FHAD1: variants seen among roughly 807,000 people sequenced by gnomAD.
FHAD1 encodes forkhead associated phosphopeptide binding domain 1.
In FHAD1, 146 loss-of-function variants were observed where a neutral mutation model predicts 191.3. The ratio of observed to expected loss-of-function variants is 0.76; its 90% CI spans 0.67 to 0.88. The LOEUF (loss-of-function observed/expected upper bound fraction) is 0.88, where lower values mean the gene tolerates loss of function less well. FHAD1 is among the 40% of genes least tolerant of loss of function. The probability of loss-of-function intolerance (pLI) is 0.00; values close to 1 mark genes in which losing one functional copy is unlikely to be tolerated. For missense variants in FHAD1, 1,635 were observed against 1,785.8 expected, an observed-to-expected ratio of 0.92 and a Z score of 1.52; for synonymous variants, 616 against 672.3, an observed-to-expected ratio of 0.92 and a Z score of 1.29.
At chr1:15,351,094 C>T (rs1019728463) in intron 19 of FHAD1, among the ~76,000 whole-genome samples, 9 of 152,210 alleles carry the variant, frequency 5.9e-5, no homozygotes, top group African/African-American at 1.9e-4. Flanking sequence ...CCTGTAATCT[C>T]AGCACTTTGG....
chr1:15,283,723 G>A (rs1295714863), intron 3 of FHAD1, among the ~76,000 whole-genome samples: 2 of 152,050 alleles, frequency 1.3e-5, no homozygotes, highest in African/African-American at 4.8e-5. Flanking sequence ...TGGCATCCAG[G>A]GTGCTGCACA....
intron 31 of FHAD1, chr1:15,383,249 G>A (rs976405874): frequency 8.1e-5 from 38 of 469,652 alleles, no homozygotes; most frequent in South Asian, 4.0e-4. Flanking sequence ...TCTCGCTGTC[G>A]TCATACCTCA....
intron 2 of FHAD1, among the ~76,000 whole-genome samples, chr1:15,256,692 T>A (rs1573690404): frequency 1.4e-5 from 2 of 138,836 alleles, no homozygotes; most frequent in South Asian, 4.7e-4. Flanking sequence ...GCTGATCTCC[T>A]CCTTAGGACC....
chr1:15,357,074 A>G (rs915977657), intron 20 of FHAD1, among the ~76,000 whole-genome samples: 11 of 152,100 alleles, frequency 7.2e-5, no homozygotes, highest in Non-Finnish European at 7.4e-5. Flanking sequence ...TCCTTAGGAA[A>G]AATTCCCTAA....
intron 23 of FHAD1, chr1:15,363,861 G>C: frequency 4.4e-6 from 2 of 450,334 alleles, no homozygotes; most frequent in Admixed American, 4.8e-5. Flanking sequence ...TGCAGTGGAG[G>C]GATTCAGAAG....
chr1:15,374,856 T>G (rs766103458), intron 27 of FHAD1, among the ~76,000 whole-genome samples: 8,034 of 126,408 alleles, frequency 0.064, 456 homozygotes, highest in African/African-American at 0.17. Flanking sequence ...ACGTTTTTTT[T>G]TTTGTTTGTT....
chr1:15,290,273 C>G (rs1207036300), intron 4 of FHAD1, among the ~76,000 whole-genome samples: 2 of 152,138 alleles, frequency 1.3e-5, no homozygotes, highest in South Asian at 4.1e-4. Context: ...CCCTTGAAAG[C>G]CTCATGGCAC....
chr1:15,350,127 T>C (rs72866715), intron 19 of FHAD1, among the ~76,000 whole-genome samples: 1,874 of 152,290 alleles, frequency 0.012, 38 homozygotes, highest in African/African-American at 0.043. Flanking sequence ...CCATAAATAT[T>C]CATTTATCCA....
rs567421403 is a variant in FHAD1 at position 15,318,371 on chromosome 1, C to G, written c.1365+443C>G. 2.6e-4 allele frequency among the ~76,000 whole-genome samples: 39 copies of G among 152,336 alleles called. No homozygotes were observed. Among genetic ancestry groups the G allele is most frequent in the Non-Finnish European group, 4.0e-4 (27 of 68,024 alleles). On this transcript the variant is annotated intron_variant, in intron 10 of 33. Coordinates refer to ENST00000688493, the MANE Select transcript of FHAD1 (RefSeq NM_001391957.1). This position sits in a 1 kb window ranked among gnomAD's most constrained non-coding sequence, Gnocchi z 4.1. ...CATTTAAATTAAAGCCGGTAGCTCA[C>G]GCCTGTAATCCCAGCATTTTGGGAG...
chr1:15,308,845 C>A, intron 7 of FHAD1, 109 bp downstream of exon 7: 1 of 1,483,844 alleles, frequency 6.7e-7, no homozygotes, highest in Non-Finnish European at 9.1e-7. Context: ...AACTTGGCTG[C>A]AGCCTCAGAG....
intron 31 of FHAD1, chr1:15,384,363 T>G (rs1701611696): frequency 6.6e-6 from 1 of 152,382 alleles, no homozygotes; most frequent in Admixed American, 6.5e-5. Flanking sequence ...GCCAGGGAGA[T>G]CTGGGCAGCA....
In FHAD1 at chr1:15,386,656, C is replaced by T. The variant is rs560065178; in HGVS notation, c.4189-1395C>T. ...AAGGGGCTTGGCCACAGCTTTGCCA[C>T]GCGGTCTCAGCTGGGCTGGAGCCCC... On this transcript the variant is annotated intron_variant, in intron 31 of 33. Transcript: ENST00000688493. Among the ~76,000 whole-genome samples, 11 of 152,328 alleles carry T rather than the reference C, an allele frequency of 7.2e-5. No individual in the cohort carries two copies. In the East Asian group the frequency reaches 7.7e-4, roughly 11 times the overall value.
intron 21 of FHAD1, among the ~76,000 whole-genome samples, chr1:15,359,454 G>T (rs1450881342): frequency 6.6e-6 from 1 of 152,098 alleles, no homozygotes; most frequent in African/African-American, 2.4e-5. Context: ...AGGAGGAGGT[G>T]CTGGGATGGA....
intron 14 of FHAD1, among the ~76,000 whole-genome samples, chr1:15,331,198 G>C (rs1681217907): frequency 6.6e-6 from 1 of 152,090 alleles, no homozygotes; most frequent in African/African-American, 2.4e-5. Context: ...AGGTGCCTGT[G>C]AGACATCTAA....
intron 21 of FHAD1, among the ~76,000 whole-genome samples, chr1:15,359,776 C>T (rs1458116995): frequency 1.2e-4 from 18 of 151,996 alleles, no homozygotes; most frequent in Admixed American, 1.2e-3. Context: ...TGATGAAACC[C>T]TATCTCTACT....
intron 7 of FHAD1, among the ~76,000 whole-genome samples, chr1:15,310,511 A>C (rs1204131835): frequency 6.6e-6 from 1 of 152,052 alleles, no homozygotes; most frequent in Non-Finnish European, 1.5e-5. Context: ...TCCTCTAATC[A>C]AGGAGTCAGA....
chr1:15,367,640 C>A lies in FHAD1; in HGVS notation c.3314+18C>A. ...GCACTCAGGTTGGGTGGGCGGGGGC[C>A]GGGTTGGGGGGATGGTTTGCCTGCC... On this transcript the variant is annotated intron_variant, in intron 25 of 33. Transcript: ENST00000688493. 5.8e-6 allele frequency: 1 copy of A among 173,634 alleles called. No homozygotes were observed. Among genetic ancestry groups the A allele is most frequent in the South Asian group, 5.0e-5 (1 of 20,080 alleles). 10.8% of individuals were successfully genotyped at this position (173,634 alleles called of 1,614,324 possible).
intron 28 of FHAD1, among the ~76,000 whole-genome samples, chr1:15,377,612 C>A (rs1201781216): frequency 2.6e-5 from 4 of 152,012 alleles, no homozygotes; most frequent in Admixed American, 6.6e-5. Flanking sequence ...CCAAGGCGGG[C>A]AGATCACTTT....
At chr1:15,249,010 T>A (rs1324119728) in intron 1 of FHAD1, among the ~76,000 whole-genome samples, 1 of 152,228 alleles carries the variant, frequency 6.6e-6, no homozygotes, top group Non-Finnish European at 1.5e-5. Flanking sequence ...TCTGTCAGTG[T>A]CTTTGCTCTG....
Sources: allele counts gnomAD v4.1 joint callset (sites outside exome capture counted in the v4.1 genomes callset), GRCh38; gene constraint gnomAD v4.1.1; non-coding constraint Gnocchi (gnomAD v3.1); transcripts MANE v1.5; gene names NCBI Gene and HGNC (gene_info 2026-07-23, HGNC 2026-07-21).